The following SDK2 variants were observed in gnomAD, a reference collection of about 807,000 sequenced individuals.
The protein encoded by SDK2 is sidekick cell adhesion molecule 2, also known as protein sidekick-2.
A neutral mutation model predicts 253.9 loss-of-function variants in SDK2; 105 were observed. The observed-to-expected ratio is 0.41, with a 90% CI of 0.35 to 0.49. SDK2 has a LOEUF of 0.49. Among genes scored for constraint, SDK2 ranks in the 20% least tolerant of loss-of-function variants. SDK2 has a pLI of 0.06. For missense variants in SDK2, 2,608 were observed against 3,003.0 expected (o/e 0.87, Z 3.07); for synonymous variants, 1,249 against 1,234.9 (o/e 1.01, Z -0.24).
At chr17:73,599,189 A>C (rs72847607) in intron 1 of SDK2, among the ~76,000 whole-genome samples, 20,294 of 152,200 alleles carry the variant, frequency 0.13, 1,625 homozygotes, top group South Asian at 0.23. Flanking sequence ...TGCTTAGTAC[A>C]TTCGTACAGA....
chr17:73,545,099 GCA>G (rs58966207), intron 1 of SDK2, among the ~76,000 whole-genome samples: 4,077 of 145,488 alleles, frequency 0.028, 93 homozygotes, highest in African/African-American at 0.065. Context: ...GCACGTGCAC[GCA>G]CACACACACA....
intron 8 of SDK2, among the ~76,000 whole-genome samples, chr17:73,436,518 A>G (rs1259059369): frequency 1.4e-5 from 2 of 145,822 alleles, no homozygotes; most frequent in Non-Finnish European, 3.0e-5. Context: ...CAGAGGTTGC[A>G]GTGAGCCAAG....
chr17:73,492,672 C>A (rs2063814337), intron 2 of SDK2, among the ~76,000 whole-genome samples: 1 of 152,148 alleles, frequency 6.6e-6, no homozygotes, highest in East Asian at 1.9e-4. Context: ...CGGACTTGGG[C>A]GACCCTGGGA....
intron 17 of SDK2, among the ~76,000 whole-genome samples, chr17:73,415,470 C>T (rs976551505): frequency 6.6e-5 from 10 of 151,720 alleles, no homozygotes; most frequent in Non-Finnish European, 8.8e-5. Context: ...GGGGACCTCC[C>T]GAGTAGCTGG....
At position 73,350,241 on chromosome 17, in the gene SDK2, T is replaced by C; in HGVS notation, c.6034A>G (p.Thr2012Ala). The part of the protein sequence containing the change: ...NSFCRKNGLY[T>A]RSPPRPSPGS... ...CCCACGCAGAGGGCCCAGTACCTGGTGTACAGGCCGTTCTTTCGGCAGAAA... is the reference window on the plus strand; with the variant it reads ...CCCACGCAGAGGGCCCAGTACCTGGCGTACAGGCCGTTCTTTCGGCAGAAA... The change falls in exon 43 of 45, where the codon ACC becomes GCC. Residue 2012 changes from threonine (T) to alanine (A), a missense_variant. Physicochemically the swap from Thr to Ala is moderately conservative, Grantham distance 58. Coordinates refer to ENST00000392650, the MANE Select transcript of SDK2 (RefSeq NM_001144952.2). The C allele has an allele frequency of 1.1e-6, 1 of 891,384 alleles. No homozygotes were observed. Among genetic ancestry groups the C allele is most frequent in the Non-Finnish European group, 1.5e-6 (1 of 687,494 alleles). 55.2% of individuals were successfully genotyped at this position (891,384 alleles called of 1,614,324 possible). A position where few individuals can be genotyped will look rare whatever the true frequency, so the allele number is the denominator to read the frequency against.
At chr17:73,401,780 C>G (rs778643740) in intron 19 of SDK2, 28 bp from the exon 20 acceptor site, 25 of 1,548,202 alleles carry the variant, frequency 1.6e-5, no homozygotes, top group Non-Finnish European at 1.4e-5. Context: ...CCCCCACCCC[C>G]CAAGGCCAGT....
rs773293230 is a variant in SDK2 at position 73,472,195 on chromosome 17, C to T, written c.248G>A (p.Arg83His). ...EYRYMITSLDRTHAGFYRCIV... is the reference protein window; with the variant it reads ...EYRYMITSLDHTHAGFYRCIV... ...GCAACGGTAAAAGCCAGCGTGGGTG[C>T]GGTCCAGGCTGGTGATCATGTATCT... The change falls in exon 3 of 45, where the codon CGC (arginine) becomes CAC (histidine). Residue 83 changes from arginine (R) to histidine (H), a missense_variant. Transcript: ENST00000392650. The T allele has an allele frequency of 1.4e-4, 221 of 1,551,416 alleles. 1 individual carries two copies. The highest frequency in any genetic ancestry group is 1.8e-4 in the Non-Finnish European group (201 of 1,146,838).
At chr17:73,412,710 G>A (rs975718657) in intron 18 of SDK2, among the ~76,000 whole-genome samples, 1 of 152,148 alleles carries the variant, frequency 6.6e-6, no homozygotes, top group East Asian at 1.9e-4. Flanking sequence ...GAGGTTGGGA[G>A]TCTGAGACCA....
chr17:73,483,285 T>A (rs1438039997), intron 2 of SDK2, among the ~76,000 whole-genome samples: 2 of 148,042 alleles, frequency 1.4e-5, no homozygotes, highest in Non-Finnish European at 3.0e-5. Flanking sequence ...CGCGGACAAC[T>A]CTGCACCGAC....
chr17:73,451,940 G>C (rs2063492842), intron 4 of SDK2, among the ~76,000 whole-genome samples: 1 of 152,160 alleles, frequency 6.6e-6, no homozygotes, highest in African/African-American at 2.4e-5. Context: ...CTCTTGGGCA[G>C]GGGCTGGATT....
rs1188992629 is a variant in SDK2, at chr17:73,511,618, C to G, written c.65-4021G>C. ...CCTGGGCTGGGGGCTCCACATCCCTCGCCTCCTGTGGTCCTCACAAGGTTC... is the reference window on the plus strand; with the variant it reads ...CCTGGGCTGGGGGCTCCACATCCCTGGCCTCCTGTGGTCCTCACAAGGTTC... On this transcript the variant is annotated intron_variant, in intron 1 of 44. Coordinates refer to ENST00000392650, the MANE Select transcript of SDK2 (RefSeq NM_001144952.2). The surrounding 1 kb of genome is among the most constrained non-coding windows in gnomAD (Gnocchi z 4.9). Among the ~76,000 whole-genome samples, 1 of 152,150 alleles carries G rather than the reference C, an allele frequency of 6.6e-6. No individual in the cohort carries two copies. The highest frequency in any genetic ancestry group is 2.4e-5 in the African/African-American group (1 of 41,448).
intron 2 of SDK2, among the ~76,000 whole-genome samples, chr17:73,487,439 T>A (rs555284592): frequency 1.3e-5 from 2 of 152,236 alleles, no homozygotes; most frequent in South Asian, 4.1e-4. Context: ...GATGACTGGG[T>A]CCACTGGCTG....
chr17:73,507,384 A>C, intron 2 of SDK2, 54 bp downstream of exon 2: 2 of 1,508,824 alleles, frequency 1.3e-6, no homozygotes, highest in Non-Finnish European at 1.8e-6. Context: ...GCCCTCTTCA[A>C]AGCAGGGCAG....
In SDK2 at chr17:73,358,304, C is replaced by A. The variant is rs982482377; in HGVS notation, c.5468-100G>T. The A allele has an allele frequency of 4.8e-6, 7 of 1,446,628 alleles. No individual in the cohort carries two copies. In the African/African-American group the frequency reaches 7.2e-5, roughly 15 times the overall value. The allele number at this position is 1,446,628 out of a possible 1,614,324, so 89.6% of individuals were successfully genotyped here. A position where few individuals can be genotyped will look rare whatever the true frequency, so the allele number is the denominator to read the frequency against. On this transcript the variant is annotated intron_variant, in intron 39 of 44. Transcript: ENST00000392650. ...GAGGAACACTGGGTGACAAAACCAA[C>A]CCTGGACAGAGAGCCGCCAGGAAGC...
chr17:73,640,669 T>C (rs4789237), intron 1 of SDK2, among the ~76,000 whole-genome samples: 55,192 of 152,050 alleles, frequency 0.36, 10,392 homozygotes, highest in African/African-American at 0.46. Context: ...CCCGCTCCCT[T>C]GTGTACTGTT....
chr17:73,495,152 G>T (rs1199037841), intron 2 of SDK2, among the ~76,000 whole-genome samples: 1 of 152,174 alleles, frequency 6.6e-6, no homozygotes, highest in African/African-American at 2.4e-5. Context: ...GCGAGGGGTG[G>T]CCAGCCAGCT....
chr17:73,428,331 T>C (rs2063300116), intron 12 of SDK2, among the ~76,000 whole-genome samples: 3 of 152,162 alleles, frequency 2.0e-5, no homozygotes, highest in Admixed American at 2.0e-4. Flanking sequence ...CTCAAAGTGC[T>C]GGGATTATGG....
At chr17:73,469,934 C>G (rs188676312) in intron 3 of SDK2, among the ~76,000 whole-genome samples, 253 of 151,900 alleles carry the variant, frequency 1.7e-3, no homozygotes, top group African/African-American at 5.7e-3. Flanking sequence ...CCACCTACTC[C>G]CACCCCACAG....
chr17:73,372,741 G>A (rs115627172), intron 36 of SDK2, among the ~76,000 whole-genome samples: 1,888 of 150,510 alleles, frequency 0.013, 31 homozygotes, highest in African/African-American at 0.043. Context: ...ACTCTGTCTC[G>A]AAAAAAACAA....
Sources: gnomAD v4.1 joint callset for allele counts (sites outside exome capture counted in the v4.1 genomes callset) on GRCh38, gnomAD v4.1.1 for gene constraint, Gnocchi (gnomAD v3.1) non-coding constraint, MANE v1.5 for transcripts, NCBI Gene and HGNC (gene_info 2026-07-23, HGNC 2026-07-21) for gene names.